Variants in PSPC1 observed in about 807,000 individuals in gnomAD.
The protein encoded by PSPC1 is paraspeckle protein 1.
PSPC1 carries 14 observed loss-of-function variants against 51.6 expected under a neutral mutation model. The ratio of observed to expected loss-of-function variants is 0.27; its 90% CI spans 0.18 to 0.42. The LOEUF is 0.42. PSPC1 is among the 10% of genes least tolerant of loss of function. PSPC1 has a pLI of 1.00. For missense variants in PSPC1, 406 were observed against 701.1 expected, an observed-to-expected ratio of 0.58 and a Z score of 4.75; for synonymous variants, 193 against 231.9, an observed-to-expected ratio of 0.83 and a Z score of 1.53.
At chr13:19,766,315 G>A (rs958270084) in intron 2 of PSPC1, among the ~76,000 whole-genome samples, 16 of 152,164 alleles carry the variant, frequency 1.1e-4, no homozygotes, top group African/African-American at 3.9e-4. Context: ...AGAGGTTGCA[G>A]TGAGCCAAGA....
intron 5 of PSPC1, among the ~76,000 whole-genome samples, chr13:19,740,025 C>T (rs1350517991): frequency 6.6e-6 from 1 of 151,970 alleles, no homozygotes; most frequent in East Asian, 1.9e-4. Flanking sequence ...AATGTTAATG[C>T]TGTCTGTCCA....
At chr13:19,689,334 T>C (rs1878293690) in intron 6 of PSPC1, among the ~76,000 whole-genome samples, 1 of 152,174 alleles carries the variant, frequency 6.6e-6, no homozygotes, top group African/African-American at 2.4e-5. Context: ...CACTGAACAC[T>C]GGGAAAACAC....
intron 6 of PSPC1, among the ~76,000 whole-genome samples, chr13:19,687,064 T>C (rs934837971): frequency 1.3e-5 from 2 of 152,034 alleles, no homozygotes; most frequent in Non-Finnish European, 2.9e-5. Flanking sequence ...TAGCTGGGCA[T>C]AGTGGTGCAT....
At position 19,782,707 on chromosome 13, in the gene PSPC1, G is replaced by A; in HGVS notation, c.51C>T (p.Ala17=). 2 of 1,570,436 alleles carry A rather than the reference G, an allele frequency of 1.3e-6. No homozygotes were observed. Among genetic ancestry groups the A allele is most frequent in the South Asian group, 1.1e-5 (1 of 87,676 alleles). Residue 17 remains alanine, a synonymous_variant, in exon 1 of 9, where the codon GCC becomes GCT. Coordinates refer to ENST00000338910, the MANE Select transcript of PSPC1 (RefSeq NM_001354909.2). The surrounding 1 kb of genome is among the most constrained non-coding windows in gnomAD (Gnocchi z 4.5). ...CCGCGGACTCCAGGGCGCGAAGGCG[G>A]GCCGGGTTTTTCTCAATGCGCACTT... The part of the protein sequence containing the change: ...LKQVRIEKNP[A]RLRALESAVG...
intron 8 of PSPC1, among the ~76,000 whole-genome samples, chr13:19,703,886 T>C (rs1331253268): frequency 2.6e-5 from 4 of 152,200 alleles, no homozygotes; most frequent in Non-Finnish European, 5.9e-5. Context: ...TGGAAACTTC[T>C]GAGAGTGTTT....
chr13:19,733,065 C>T (rs1884323059), intron 5 of PSPC1, among the ~76,000 whole-genome samples: 1 of 152,178 alleles, frequency 6.6e-6, no homozygotes, highest in South Asian at 2.1e-4. Flanking sequence ...ATGAACAAGC[C>T]TATTTCCAGT....
At chr13:19,724,207 A>C (rs1883092811) in intron 6 of PSPC1, among the ~76,000 whole-genome samples, 2 of 152,254 alleles carry the variant, frequency 1.3e-5, no homozygotes, top group African/African-American at 4.8e-5. Flanking sequence ...AAACCACAAA[A>C]CTGTAACTTC....
intron 1 of PSPC1, 115 bp from the exon 2 acceptor site, chr13:19,772,658 T>C (rs1888725929): frequency 1.1e-6 from 1 of 929,598 alleles, no homozygotes; most frequent in Non-Finnish European, 1.6e-6. Flanking sequence ...CAGGGTCAAT[T>C]TGATTTTGTA....
intron 3 of PSPC1, among the ~76,000 whole-genome samples, chr13:19,756,809 T>C (rs1887120085): frequency 6.6e-6 from 1 of 151,954 alleles, no homozygotes; most frequent in African/African-American, 2.4e-5. Context: ...GAAAGCGTTT[T>C]ATGGTTTGAA....
rs7984401 is a variant in PSPC1 at position 19,765,098 on chromosome 13, T to C, written c.675-5680A>G. 9.8e-3 allele frequency among the ~76,000 whole-genome samples: 1,488 copies of C among 152,032 alleles called. 23 individuals are homozygous for C. The highest frequency in any genetic ancestry group is 0.034 in the African/African-American group (1,415 of 41,486). On this transcript the variant is annotated intron_variant, in intron 2 of 8. Coordinates refer to ENST00000338910, the MANE Select transcript of PSPC1 (RefSeq NM_001354909.2). ...ATAAGCATGGTTGAGAATAGTTGAA[T>C]AGTAATGATAAAATAATTATCAGGA...
At chr13:19,704,258 A>G (rs1391382230) in intron 8 of PSPC1, among the ~76,000 whole-genome samples, 17 of 152,406 alleles carry the variant, frequency 1.1e-4, no homozygotes, top group Middle Eastern at 6.8e-3. Context: ...TACTGAAGGA[A>G]ATAAATGCAA....
At chr13:19,689,327 T>G (rs767140094) in intron 6 of PSPC1, among the ~76,000 whole-genome samples, 1 of 152,198 alleles carries the variant, frequency 6.6e-6, no homozygotes, top group Non-Finnish European at 1.5e-5. Context: ...GCAAAGACAC[T>G]GAACACTGGG....
At position 19,741,656 on chromosome 13, in the gene PSPC1, A is replaced by C; in HGVS notation, c.968-7T>G. On this transcript the variant is annotated splice_region_variant and splice_polypyrimidine_tract_variant and intron_variant, in intron 4 of 8. Transcript: ENST00000338910. ...TCTTGACGCCTCATTAGATCTATAAAATAATGACTGCACATTAATATTTTT... is the reference window on the plus strand; with the variant it reads ...TCTTGACGCCTCATTAGATCTATAACATAATGACTGCACATTAATATTTTT... The C allele has an allele frequency of 6.5e-7, 1 of 1,544,502 alleles. No homozygotes were observed.
chr13:19,693,086 TCTG>T (rs2137657097), intron 6 of PSPC1, among the ~76,000 whole-genome samples: 1 of 152,324 alleles, frequency 6.6e-6, no homozygotes, highest in East Asian at 1.9e-4. Flanking sequence ...ACTTCTCTTC[TCTG>T]CTACCAACCA....
At position 19,709,607 on chromosome 13, in the gene PSPC1, TA is replaced by T. The variant is rs1467905718; in HGVS notation, c.1159-9del. ...TCTCATTTCCTGTTCTCTCTGTAAGTAAACATAGTTGTCACAGTCAACCTAT... is the reference window on the plus strand; with the variant it reads ...TCTCATTTCCTGTTCTCTCTGTAAGTAACATAGTTGTCACAGTCAACCTAT... On this transcript the variant is annotated splice_polypyrimidine_tract_variant and intron_variant, in intron 6 of 8. Transcript: ENST00000338910. The T allele has an allele frequency of 6.2e-7, 1 of 1,602,354 alleles. No homozygotes were observed. The highest frequency in any genetic ancestry group is 8.5e-7 in the Non-Finnish European group (1 of 1,174,044).
intron 3 of PSPC1, among the ~76,000 whole-genome samples, chr13:19,753,205 C>T (rs1173204897): frequency 6.7e-6 from 1 of 150,082 alleles, no homozygotes; most frequent in Non-Finnish European, 1.5e-5. Flanking sequence ...ATCGCTTGAA[C>T]TCGGGAGACG....
At chr13:19,672,016 C>T, downstream of PSPC1, 1 of 786,138 alleles carries the variant, frequency 1.3e-6, no homozygotes, top group Non-Finnish European at 2.1e-6. Context: ...CTGTTGTAGT[C>T]TGTAAGATGC....
downstream of PSPC1, among the ~76,000 whole-genome samples, chr13:19,674,227 A>T (rs1416829453): frequency 1.1e-4 from 17 of 152,368 alleles, no homozygotes; most frequent in Non-Finnish European, 2.2e-4. Flanking sequence ...CTGTAGCAGA[A>T]AGTACATTCC....
At chr13:19,740,813 T>C (rs993851756) in intron 5 of PSPC1, among the ~76,000 whole-genome samples, 5 of 152,118 alleles carry the variant, frequency 3.3e-5, no homozygotes, top group African/African-American at 1.2e-4. Context: ...ATCACGATTG[T>C]CTATTATGTA....
Sources: allele counts gnomAD v4.1 joint callset (sites outside exome capture counted in the v4.1 genomes callset), GRCh38; gene constraint gnomAD v4.1.1; non-coding constraint Gnocchi (gnomAD v3.1); transcripts MANE v1.5; gene names NCBI Gene and HGNC (gene_info 2026-07-23, HGNC 2026-07-21).